TPCN1: variants seen among roughly 807,000 people sequenced by gnomAD.
The protein encoded by TPCN1 is two pore segment channel 1, also known as two pore channel protein 1.
Under a neutral mutation model 108.8 loss-of-function variants are expected in TPCN1, and 52 were observed. The ratio of observed to expected loss-of-function variants is 0.48; its 90% CI spans 0.38 to 0.60. TPCN1 has a LOEUF of 0.60. TPCN1 is among the 20% of genes least tolerant of loss of function. TPCN1 has a pLI of 0.00. For synonymous variants in TPCN1, 446 were observed against 433.7 expected (o/e 1.03, Z -0.35); for missense variants, 806 against 1,072.8 (o/e 0.75, Z 3.47).
At chr12:113,261,608 T>C (rs903446860) in intron 3 of TPCN1, among the ~76,000 whole-genome samples, 4 of 151,994 alleles carry the variant, frequency 2.6e-5, no homozygotes, top group Non-Finnish European at 5.9e-5. Flanking sequence ...TTTGTATTTT[T>C]AGTAGAGATG....
intron 2 of TPCN1, among the ~76,000 whole-genome samples, chr12:113,235,595 C>T (rs1953860323): frequency 6.6e-6 from 1 of 151,728 alleles, no homozygotes. Context: ...AAAACTAAGT[C>T]GAGTTACTAA....
intron 2 of TPCN1, among the ~76,000 whole-genome samples, chr12:113,227,239 G>T (rs1183855566): frequency 1.3e-5 from 2 of 152,206 alleles, no homozygotes; most frequent in African/African-American, 4.8e-5. Flanking sequence ...ACCTTGGCCT[G>T]CCTGTGGATG....
chr12:113,279,519 C>G (rs1336811504), intron 14 of TPCN1, among the ~76,000 whole-genome samples: 2 of 149,322 alleles, frequency 1.3e-5, no homozygotes, highest in African/African-American at 5.0e-5. Flanking sequence ...CTGCCTCAGC[C>G]TCCCGAGTAG....
intron 27 of TPCN1, among the ~76,000 whole-genome samples, chr12:113,294,626 CAAA>C (rs368650271): frequency 5.2e-5 from 5 of 95,492 alleles, no homozygotes; most frequent in Admixed American, 1.2e-4. Flanking sequence ...GACTCTGTCT[CAAA>C]AAAAAAAAAA....
At chr12:113,287,169 G>C in intron 19 of TPCN1, 75 bp downstream of exon 19, 1 of 1,288,108 alleles carries the variant, frequency 7.8e-7, no homozygotes, top group Non-Finnish European at 1.1e-6. Flanking sequence ...GATCCGGGAA[G>C]TGACCCAGAA....
chr12:113,264,668 G>C (rs973773562), intron 3 of TPCN1, among the ~76,000 whole-genome samples: 8 of 149,570 alleles, frequency 5.3e-5, no homozygotes, highest in African/African-American at 2.0e-4. Flanking sequence ...GACAGAGCAA[G>C]ACTCTGTCTC....
At position 113,289,484 on chromosome 12, in the gene TPCN1, G is replaced by T. The variant is rs1956195970; in HGVS notation, c.1796+637G>T. ...CTGGAACCAGAAGCCTATAGCAGTG[G>T]GTCCCAGACTTTAGAGCCCATTGCA... On this transcript the variant is annotated intron_variant, in intron 21 of 27. Coordinates refer to ENST00000335509, the MANE Select transcript of TPCN1 (RefSeq NM_017901.6). The surrounding 1 kb of genome is among the most constrained non-coding windows in gnomAD (Gnocchi z 4.1). Among the ~76,000 whole-genome samples, 1 of 152,160 alleles carries T rather than the reference G, an allele frequency of 6.6e-6. No homozygotes were observed. The highest frequency in any genetic ancestry group is 2.4e-5 in the African/African-American group (1 of 41,436).
At chr12:113,245,961 C>T (rs1347932014) in intron 2 of TPCN1, 1 of 456,112 alleles carries the variant, frequency 2.2e-6, no homozygotes, top group South Asian at 1.5e-5. Flanking sequence ...GGATTCCCTG[C>T]AGGGTCATTT....
intron 18 of TPCN1, 71 bp from the exon 19 acceptor site, chr12:113,286,916 G>A: frequency 9.0e-7 from 1 of 1,108,624 alleles, no homozygotes; most frequent in Middle Eastern, 2.0e-4. Context: ...CTGTGCACAG[G>A]GCCAGGGAGG....
chr12:113,229,396 G>T (rs555347972), intron 2 of TPCN1, among the ~76,000 whole-genome samples: 55 of 152,354 alleles, frequency 3.6e-4, no homozygotes, highest in African/African-American at 1.3e-3. Flanking sequence ...GGCCTGCTCT[G>T]CCTTAGCATA....
chr12:113,291,549 G>A (rs1414193234), intron 23 of TPCN1, 60 bp from the exon 24 acceptor site: 2 of 1,471,898 alleles, frequency 1.4e-6, no homozygotes, highest in Admixed American at 1.8e-5. Context: ...AGCAGCCTGT[G>A]TAGACGGGGA....
At position 113,290,166 on chromosome 12, in the gene TPCN1, A is replaced by C. The variant is rs777347185; in HGVS notation, c.1835A>C (p.His612Pro). 1.9e-6 allele frequency: 3 copies of C among 1,606,070 alleles called. No homozygotes were observed. The Admixed American group carries it at 5.1e-5, about 27-fold the overall frequency. ...GCAGATGCCTACCGCTGGCGCAACC[A>C]CACCGTGGGCAACAGGACCGTGGTG... ...TVADAYRWRN[H>P]TVGNRTVVEE... Residue 612 changes from histidine (H) to proline (P), a missense_variant, in exon 22 of 28, where the codon CAC (histidine) becomes CCC (proline). Transcript: ENST00000335509.
Position 113,291,624 on chromosome 12 carries a change from C to T in TPCN1, c.1975C>T (p.Gln659Ter). ...WYIIMEGVTS[Q>*]TSHWSRLYFM... Reference sequence around the variant, plus strand: ...TGGTCTCCAGGAAGGCGTCACCTCTCAGACCTCCCACTGGAGCCGCCTCTA... The same window carrying T: ...TGGTCTCCAGGAAGGCGTCACCTCTTAGACCTCCCACTGGAGCCGCCTCTA... Residue 659 changes from glutamine (Q) to a stop codon, truncating the protein, a stop_gained, in exon 24 of 28, where the codon CAG (glutamine) becomes TAG (stop). Coordinates refer to ENST00000335509, the MANE Select transcript of TPCN1 (RefSeq NM_017901.6). LOFTEE classifies it high-confidence loss of function. 6.2e-7 allele frequency: 1 copy of T among 1,613,024 alleles called. No homozygotes were observed. Among genetic ancestry groups the T allele is most frequent in the Non-Finnish European group, 8.5e-7 (1 of 1,179,654 alleles).
At position 113,284,915 on chromosome 12, in the gene TPCN1, C is replaced by T. The variant is rs966635621; in HGVS notation, c.1453+144C>T. On this transcript the variant is annotated intron_variant, in intron 17 of 27. Transcript: ENST00000335509. This position sits in a 1 kb window ranked among gnomAD's most constrained non-coding sequence, Gnocchi z 4.1. Reference sequence around the variant, plus strand: ...AATCAGTCTGATTCCATCTCGTCCCCGTTTAAAACTCTTTCGTGGTTGTCC... The same window carrying T: ...AATCAGTCTGATTCCATCTCGTCCCTGTTTAAAACTCTTTCGTGGTTGTCC... 4.2e-5 allele frequency: 40 copies of T among 956,062 alleles called. No homozygotes were observed. Among genetic ancestry groups the T allele is most frequent in the Middle Eastern group, 5.6e-4 (2 of 3,552 alleles). The allele number at this position is 956,062 out of a possible 1,614,324, so 59.2% of individuals were successfully genotyped here. A position where few individuals can be genotyped will look rare whatever the true frequency, so the allele number is the denominator to read the frequency against.
chr12:113,223,148 G>GA (rs978477535), intron 1 of TPCN1, among the ~76,000 whole-genome samples: 56 of 151,602 alleles, frequency 3.7e-4, no homozygotes, highest in African/African-American at 9.9e-4. Context: ...GGAAACTTAA[G>GA]AAAAAAAAAC....
intron 10 of TPCN1, among the ~76,000 whole-genome samples, chr12:113,276,059 G>GTC (rs1955663236): frequency 6.6e-6 from 1 of 152,204 alleles, no homozygotes; most frequent in Non-Finnish European, 1.5e-5. Flanking sequence ...TTGGGACAGA[G>GTC]TCATGCCCAT....
chr12:113,287,254 C>T (rs1250714129), intron 19 of TPCN1, 160 bp downstream of exon 19: 7 of 630,776 alleles, frequency 1.1e-5, no homozygotes, highest in African/African-American at 3.7e-5. Context: ...ACATCCCCAC[C>T]CCTGAGGGTG....
chr12:113,286,438 G>A, intron 18 of TPCN1, among the ~76,000 whole-genome samples: 1 of 152,240 alleles, frequency 6.6e-6, no homozygotes, highest in Non-Finnish European at 1.5e-5. Flanking sequence ...GGGTGAGCGG[G>A]TTAACACGCA....
chr12:113,291,483 A>G (rs552442859), intron 23 of TPCN1, 126 bp from the exon 24 acceptor site: 2 of 796,174 alleles, frequency 2.5e-6, no homozygotes, highest in South Asian at 3.2e-5. Flanking sequence ...CCTCTCCTCC[A>G]TCTCTCACAA....
Sources: gnomAD v4.1 joint callset for allele counts (sites outside exome capture counted in the v4.1 genomes callset) on GRCh38, gnomAD v4.1.1 for gene constraint, Gnocchi (gnomAD v3.1) non-coding constraint, MANE v1.5 for transcripts, NCBI Gene and HGNC (gene_info 2026-07-23, HGNC 2026-07-21) for gene names.